The following SRGAP2 variants were observed in gnomAD, a reference collection of about 807,000 sequenced individuals.
The protein encoded by SRGAP2 is SLIT-ROBO Rho GTPase-activating protein 2.
Under a neutral mutation model 57.2 loss-of-function variants are expected in SRGAP2, and 15 were observed. That is an observed-to-expected ratio of 0.26 (90% confidence interval 0.18 to 0.40). SRGAP2 has a LOEUF of 0.40. Among genes scored for constraint, SRGAP2 ranks in the 10% least tolerant of loss-of-function variants. SRGAP2 has a pLI of 1.00. For missense variants in SRGAP2, 520 were observed against 669.6 expected, an observed-to-expected ratio of 0.78 and a Z score of 2.47; for synonymous variants, 249 against 248.0, an observed-to-expected ratio of 1.00 and a Z score of -0.04.
At chr1:206,240,698 G>A (rs1668168330) in intron 2 of SRGAP2, among the ~76,000 whole-genome samples, 1 of 152,066 alleles carries the variant, frequency 6.6e-6, no homozygotes, top group Non-Finnish European at 1.5e-5. Context: ...GGATATTATT[G>A]TCCTCTTTTC....
intron 4 of SRGAP2, among the ~76,000 whole-genome samples, chr1:206,365,674 A>G (rs1553341493): frequency 7.5e-6 from 1 of 133,394 alleles, no homozygotes; most frequent in African/African-American, 3.2e-5. Flanking sequence ...ATGAGCAGTG[A>G]TGCCCTCTTT....
intron 15 of SRGAP2, 102 bp from the exon 16 acceptor site, chr1:206,437,862 T>A (rs1661911894): frequency 6.9e-6 from 5 of 728,832 alleles, no homozygotes; most frequent in Non-Finnish European, 1.0e-5. Flanking sequence ...AGCTGATGGA[T>A]TGGGACCAGG....
rs1553379343 is a variant in SRGAP2, at chr1:206,458,713, C to T, written c.2598C>T (p.Ser866=). ...GCAGTTCCCTGACTGACTCCTCCTC[C>T]CCAGGGGTGGGGGCTAGCTGCCGCC... is the stretch of plus-strand genomic sequence containing the variant. The part of the protein sequence containing the change: ...GLSSSLTDSS[S]PGVGASCRPS... The change falls in exon 22 of 23, where the codon TCC becomes TCT. Residue 866 remains serine, a synonymous_variant. Transcript: ENST00000573034. 1.3e-6 allele frequency: 1 copy of T among 780,206 alleles called. No individual in the cohort carries two copies. The highest frequency in any genetic ancestry group is 2.4e-6 in the Non-Finnish European group (1 of 417,740). The allele number at this position is 780,206 out of a possible 1,614,324, so 48.3% of individuals were successfully genotyped here.
At chr1:206,385,830 T>C (rs1237656530) in intron 5 of SRGAP2, among the ~76,000 whole-genome samples, 1 of 152,210 alleles carries the variant, frequency 6.6e-6, no homozygotes, top group Admixed American at 6.5e-5. Flanking sequence ...ATGGTCAACA[T>C]AGAGCATAAC....
chr1:206,401,893 A>G (rs1292503616), intron 8 of SRGAP2, among the ~76,000 whole-genome samples: 2 of 152,128 alleles, frequency 1.3e-5, no homozygotes, highest in African/African-American at 4.8e-5. Context: ...TAAGGTCGCT[A>G]AGGCTTGAGG....
intron 14 of SRGAP2, among the ~76,000 whole-genome samples, chr1:206,431,110 G>A (rs1262757037): frequency 6.6e-6 from 1 of 152,086 alleles, no homozygotes; most frequent in Non-Finnish European, 1.5e-5. Context: ...TTCTCTCCCT[G>A]TAAACTGGGA....
chr1:206,364,273 A>G (rs1312785053), intron 4 of SRGAP2, among the ~76,000 whole-genome samples: 2 of 146,932 alleles, frequency 1.4e-5, no homozygotes, highest in African/African-American at 5.0e-5. Context: ...ATTAACAGGC[A>G]TCTATATAAC....
chr1:206,446,399 C>A, intron 18 of SRGAP2, 100 bp downstream of exon 18: 2 of 721,262 alleles, frequency 2.8e-6, no homozygotes, highest in South Asian at 1.5e-5. Context: ...CACCCAGATC[C>A]TCCCAACTCC....
chr1:206,301,228 G>C (rs1348293104), intron 2 of SRGAP2, among the ~76,000 whole-genome samples: 1 of 151,996 alleles, frequency 6.6e-6, no homozygotes, highest in Non-Finnish European at 1.5e-5. Flanking sequence ...GTAGAGACAG[G>C]GTTTCACCAT....
At chr1:206,268,680 T>A in intron 2 of SRGAP2, among the ~76,000 whole-genome samples, 1 of 136,546 alleles carries the variant, frequency 7.3e-6, no homozygotes. Context: ...AGTAGGAGAG[T>A]AAGAACAAAA....
intron 18 of SRGAP2, among the ~76,000 whole-genome samples, chr1:206,450,084 T>C (rs1378491713): frequency 6.6e-6 from 1 of 152,200 alleles, no homozygotes. Flanking sequence ...GAATCAGACC[T>C]TGAGGAGTTG....
chr1:206,301,314 C>T (rs2102747832), intron 2 of SRGAP2, among the ~76,000 whole-genome samples: 1 of 152,224 alleles, frequency 6.6e-6, no homozygotes, highest in East Asian at 1.9e-4. Flanking sequence ...GGATTACAGG[C>T]GTGAGCCACC....
At chr1:206,437,836 A>C in intron 15 of SRGAP2, 128 bp from the exon 16 acceptor site, 4 of 698,994 alleles carry the variant, frequency 5.7e-6, no homozygotes, top group Non-Finnish European at 7.9e-6. Flanking sequence ...ACTCATGGCC[A>C]CCATGCCGGG....
Position 206,446,261 on chromosome 1 carries a change from C to T in SRGAP2, c.2061C>T (p.Gly687=). Residue 687 remains glycine (G), a synonymous_variant, in exon 18 of 23, where the codon GGC becomes GGT. Transcript: ENST00000573034. ...NIFPSPRELE[G]PVYSRGGSME... ...TCCCAAGCCCCAGGGAGCTGGAGGG[C>T]CCTGTCTACAGCAGAGGAGGAAGCA... is the stretch of plus-strand genomic sequence containing the variant. The T allele has an allele frequency of 1.3e-6, 1 of 780,912 alleles. No individual in the cohort carries two copies. The highest frequency in any genetic ancestry group is 1.3e-5 in the South Asian group (1 of 74,624). The allele number at this position is 780,912 out of a possible 1,614,324, so 48.4% of individuals were successfully genotyped here.
chr1:206,209,430 A>G (rs1666168650), intron 2 of SRGAP2, among the ~76,000 whole-genome samples: 1 of 149,088 alleles, frequency 6.7e-6, no homozygotes, highest in South Asian at 2.1e-4. Context: ...CTCCCTATAA[A>G]CCACCTGCTT....
At chr1:206,365,298 A>G (rs1190249140) in intron 4 of SRGAP2, among the ~76,000 whole-genome samples, 2 of 150,334 alleles carry the variant, frequency 1.3e-5, no homozygotes, top group Non-Finnish European at 3.0e-5. Flanking sequence ...CAAAATCTAT[A>G]GAGGGTACAC....
At chr1:206,397,858 TG>T (rs1419167003) in intron 7 of SRGAP2, among the ~76,000 whole-genome samples, 5 of 121,528 alleles carry the variant, frequency 4.1e-5, no homozygotes, top group African/African-American at 1.8e-4. Context: ...AAGTCGGACA[TG>T]AGGGAACTTG....
intron 8 of SRGAP2, among the ~76,000 whole-genome samples, chr1:206,402,332 G>C (rs1658269043): frequency 6.6e-6 from 1 of 151,956 alleles, no homozygotes; most frequent in Non-Finnish European, 1.5e-5. Flanking sequence ...TGGACTCTTA[G>C]CCTCCAGTGA....
chr1:206,410,389 A>T (rs1170341339), intron 10 of SRGAP2, among the ~76,000 whole-genome samples: 2 of 152,102 alleles, frequency 1.3e-5, no homozygotes, highest in East Asian at 3.9e-4. Context: ...TTTTATTGTG[A>T]TTGTTAAAAA....
Sources: gnomAD v4.1 joint callset for allele counts (sites outside exome capture counted in the v4.1 genomes callset) on GRCh38, gnomAD v4.1.1 for gene constraint, MANE v1.5 for transcripts, NCBI Gene and HGNC (gene_info 2026-07-23, HGNC 2026-07-21) for gene names.